The following RPP30 variants were observed in gnomAD, a reference collection of about 807,000 sequenced individuals.
The protein encoded by RPP30 is ribonuclease P protein subunit p30.
In RPP30, 36 loss-of-function variants were observed where a neutral mutation model predicts 38.6. That is an observed-to-expected ratio of 0.93 (90% CI 0.71 to 1.23). RPP30 has a LOEUF of 1.23. Ranked by LOEUF, RPP30 falls within the 50% of genes most tolerant of loss-of-function variation. The pLI, the probability that RPP30 is intolerant of heterozygous loss-of-function variation, is 0.00. For synonymous variants in RPP30, 126 were observed against 112.7 expected (o/e 1.12, Z -0.75); for missense variants, 321 against 321.7 (o/e 1.00, Z 0.02).
downstream of RPP30, chr10:90,902,316 C>T (rs777120356): frequency 1.3e-5 from 5 of 392,836 alleles, no homozygotes; most frequent in Admixed American, 5.9e-5. Context: ...CTCTTGGGCT[C>T]AAGCCATCCT....
At chr10:90,874,802 A>G (rs1436194898) in intron 1 of RPP30, 67 bp from the exon 2 acceptor site, 10 of 1,052,782 alleles carry the variant, frequency 9.5e-6, no homozygotes, top group Non-Finnish European at 1.4e-5. Context: ...TAGACTCAGG[A>G]TGGACCTGTG....
At chr10:90,906,180 G>A (rs1276333414), downstream of RPP30, 1 of 152,170 alleles carries the variant, frequency 6.6e-6, no homozygotes, top group Admixed American at 6.5e-5. Context: ...AAAAAGCAAA[G>A]TACAACAGGA....
Position 90,901,457 on chromosome 10 carries a change from G to T in RPP30, c.*778G>T. 1 of 984,998 alleles carries T rather than the reference G, an allele frequency of 1.0e-6. No homozygotes were observed. Among genetic ancestry groups the T allele is most frequent in the Non-Finnish European group, 1.2e-6 (1 of 829,632 alleles). The allele number at this position is 984,998 out of a possible 1,614,324, so 61.0% of individuals were successfully genotyped here. ...TTTCTAAGAAATTGCTATAGAATTT[G>T]TGGAAGGAGAGAGGATACACATGTA... On this transcript the variant is annotated 3_prime_UTR_variant, in exon 11 of 11. Transcript: ENST00000371703.
intron 5 of RPP30, among the ~76,000 whole-genome samples, chr10:90,879,587 C>G (rs1048555845): frequency 6.6e-6 from 1 of 152,206 alleles, no homozygotes; most frequent in Non-Finnish European, 1.5e-5. Flanking sequence ...AGCCCATATG[C>G]CAGCATGATT....
At chr10:90,906,114 A>G (rs187235552), downstream of RPP30, 3 of 152,304 alleles carry the variant, frequency 2.0e-5, no homozygotes. Context: ...GTATTGGCAT[A>G]ATGAGTATTG....
intron 1 of RPP30, among the ~76,000 whole-genome samples, chr10:90,873,038 G>T (rs192695914): frequency 6.6e-6 from 1 of 152,148 alleles, no homozygotes; most frequent in Non-Finnish European, 1.5e-5. Flanking sequence ...GTAGTTTGTC[G>T]CAATTATTAC....
chr10:90,874,622 T>C (rs1194331894), intron 1 of RPP30, among the ~76,000 whole-genome samples: 3 of 152,214 alleles, frequency 2.0e-5, no homozygotes, highest in Non-Finnish European at 4.4e-5. Flanking sequence ...TTAAATTTCA[T>C]GACAGTGTAT....
rs1179834290 is a variant in RPP30, at chr10:90,894,892, G to T, written c.549+1G>T. The stretch of plus-strand genomic sequence containing the variant: ...TTTGATGCAAATCTGCAAAGGAAAG[G>T]TATGGTTCTATAATTTTAGGATGTT... On this transcript the variant is annotated splice_donor_variant, in intron 7 of 10. Transcript: ENST00000371703. LOFTEE classifies it high-confidence loss of function. 3.2e-6 allele frequency: 5 copies of T among 1,582,420 alleles called. No homozygotes were observed. In the East Asian group the frequency reaches 1.1e-4, roughly 35 times the overall value.
At chr10:90,897,419 C>T (rs1456819614) in intron 10 of RPP30, among the ~76,000 whole-genome samples, 6 of 152,164 alleles carry the variant, frequency 3.9e-5, no homozygotes, top group Admixed American at 2.0e-4. Flanking sequence ...ATTGGCTTGC[C>T]GTAAATTAGA....
rs1847208292 is a variant in RPP30 at position 90,901,944 on chromosome 10, G to A, written c.*1265G>A. On this transcript the variant is annotated 3_prime_UTR_variant, in exon 11 of 11. Transcript: ENST00000371703. ...TGCCATTCTCCTGCCTCAGCCTCCT[G>A]AGTAGCTGGGACTACAGGCGCTCGC... The A allele has an allele frequency of 5.2e-6, 2 of 386,706 alleles. No homozygotes were observed. The highest frequency in any genetic ancestry group is 2.3e-5 in the African/African-American group (1 of 44,414). 24.0% of individuals were successfully genotyped at this position (386,706 alleles called of 1,614,324 possible).
At chr10:90,895,602 A>C in intron 8 of RPP30, 119 bp downstream of exon 8, 1 of 621,522 alleles carries the variant, frequency 1.6e-6, no homozygotes, top group South Asian at 4.0e-5. Flanking sequence ...TTTTAACTGC[A>C]TTTGCTCATT....
intron 8 of RPP30, 41 bp from the exon 9 acceptor site, chr10:90,895,839 A>T: frequency 7.0e-7 from 1 of 1,418,686 alleles, no homozygotes. Flanking sequence ...AAATGTTATA[A>T]ATAATTTTCT....
At chr10:90,894,697 A>T in intron 6 of RPP30, 78 bp from the exon 7 acceptor site, 1 of 978,380 alleles carries the variant, frequency 1.0e-6, no homozygotes, top group South Asian at 1.3e-5. Flanking sequence ...GTGAGGAGGG[A>T]TGTGAAGAGA....
rs749077365 is a variant in RPP30, at chr10:90,871,994, T to G, written c.8T>G (p.Val3Gly). Residue 3 changes from valine (V) to glycine (G), a missense_variant, in exon 1 of 11, where the codon GTG becomes GGG. Val to Gly is a moderately radical substitution (Grantham distance 109, BLOSUM62 -3). Transcript: ENST00000371703. MA[V>G]FADLDLRAGS... ...CGGTCATGGGACTTCAGCATGGCGG[T>G]GTTTGCAGATTTGGACCTGCGAGCG... 3.1e-6 allele frequency: 5 copies of G among 1,613,554 alleles called. No homozygotes were observed. In the African/African-American group the frequency reaches 6.7e-5, roughly 22 times the overall value.
chr10:90,875,058 A>C (rs181987986), intron 2 of RPP30, 134 bp downstream of exon 2: 1 of 508,412 alleles, frequency 2.0e-6, no homozygotes, highest in African/African-American at 2.0e-5. Flanking sequence ...TTTCTATTTT[A>C]TATAGAAACA....
chr10:90,876,054 A>C lies in RPP30; in HGVS notation c.226A>C (p.Arg76=). 1.3e-6 allele frequency: 2 copies of C among 1,576,194 alleles called. No individual in the cohort carries two copies. The highest frequency in any genetic ancestry group is 1.7e-6 in the Non-Finnish European group (2 of 1,145,872). Residue 76 remains arginine (R), a synonymous_variant, in exon 4 of 11, where the codon AGA becomes CGA. Transcript: ENST00000371703. ...GKSRPIKILT[R]LTIIVSDPSH... is the part of the protein sequence containing the mutation. ...ATCAAGACCAATTAAAATTTTAACT[A>C]GATTAACAATTATTGTCTCGGATCC...
intron 5 of RPP30, among the ~76,000 whole-genome samples, chr10:90,883,195 CTATTCCTTT>C (rs1846954176): frequency 6.6e-6 from 1 of 150,930 alleles, no homozygotes; most frequent in Non-Finnish European, 1.5e-5. Flanking sequence ...CCCTACAGTC[CTATTCCTTT>C]TGTGCCATAG....
intron 4 of RPP30, among the ~76,000 whole-genome samples, chr10:90,878,440 T>G (rs1846880226): frequency 6.6e-6 from 1 of 152,310 alleles, no homozygotes; most frequent in East Asian, 1.9e-4. Context: ...TTCTAGTCTT[T>G]TCATATACAG....
At chr10:90,890,827 A>AT (rs1847072778) in intron 6 of RPP30, among the ~76,000 whole-genome samples, 1 of 151,910 alleles carries the variant, frequency 6.6e-6, no homozygotes. Context: ...GTTAAAAAAA[A>AT]AGATGAACAA....
Sources: gnomAD v4.1 joint callset for allele counts (sites outside exome capture counted in the v4.1 genomes callset) on GRCh38, gnomAD v4.1.1 for gene constraint, MANE v1.5 for transcripts, NCBI Gene and HGNC (gene_info 2026-07-23, HGNC 2026-07-21) for gene names.